The following PRTG variants were observed in gnomAD, a reference collection of about 807,000 sequenced individuals.
PRTG encodes the protein immunoglobulin superfamily, DCC subclass, member 5.
A neutral mutation model predicts 122.5 loss-of-function variants in PRTG; 67 were observed. The ratio of observed to expected loss-of-function variants is 0.55; its 90% CI spans 0.45 to 0.67. The LOEUF is 0.67. PRTG is among the 30% of genes least tolerant of loss of function. The pLI, the probability that PRTG is intolerant of heterozygous loss-of-function variation, is 0.00. For missense variants in PRTG, 1,435 were observed against 1,415.4 expected (o/e 1.01, Z -0.22); for synonymous variants, 554 against 501.1 (o/e 1.11, Z -1.41).
intron 4 of PRTG, among the ~76,000 whole-genome samples, chr15:55,681,102 T>C (rs1477290302): frequency 6.6e-6 from 1 of 152,192 alleles, no homozygotes; most frequent in Non-Finnish European, 1.5e-5. Flanking sequence ...TTGAGCAATA[T>C]ATATCATTGT....
chr15:55,625,097 G>A (rs889888221), intron 17 of PRTG, among the ~76,000 whole-genome samples: 4 of 151,992 alleles, frequency 2.6e-5, no homozygotes, highest in African/African-American at 9.7e-5. Flanking sequence ...GTCTAATGAC[G>A]GGGATTACCT....
At chr15:55,624,734 ACT>A (rs527986813) in intron 17 of PRTG, among the ~76,000 whole-genome samples, 9 of 152,134 alleles carry the variant, frequency 5.9e-5, no homozygotes, top group Non-Finnish European at 8.8e-5. Context: ...ATCTAAAATT[ACT>A]CTCTACAAGT....
intron 2 of PRTG, among the ~76,000 whole-genome samples, chr15:55,703,238 T>A (rs1389559199): frequency 1.3e-5 from 2 of 152,230 alleles, no homozygotes; most frequent in African/African-American, 4.8e-5. Flanking sequence ...TGTACATGCA[T>A]CTATGCCACA....
chr15:55,646,491 T>A (rs1016900643), intron 11 of PRTG, among the ~76,000 whole-genome samples: 6 of 151,356 alleles, frequency 4.0e-5, no homozygotes, highest in Admixed American at 2.0e-4. Context: ...CCCGGCCAAT[T>A]TTTTGTATTT....
chr15:55,644,138 T>C (rs533231000), intron 11 of PRTG, among the ~76,000 whole-genome samples: 1 of 152,188 alleles, frequency 6.6e-6, no homozygotes, highest in African/African-American at 2.4e-5. Context: ...CACGCCCAGC[T>C]GAAAAATACT....
rs762065632 is a variant in PRTG at position 55,679,457 on chromosome 15, G to GA, written c.974-13dup. On this transcript the variant is annotated splice_polypyrimidine_tract_variant and intron_variant, in intron 6 of 19. Transcript: ENST00000389286. The stretch of plus-strand genomic sequence containing the variant: ...AAATGAAGGAGGAGCTATTTTTAAA[G>GA]AAAAAAATGAAATATTTCTGTGATC... 20 of 1,587,900 alleles carry GA rather than the reference G, an allele frequency of 1.3e-5. No homozygotes were observed. Among genetic ancestry groups the GA allele is most frequent in the Middle Eastern group, 1.7e-4 (1 of 5,944 alleles).
intron 2 of PRTG, among the ~76,000 whole-genome samples, chr15:55,695,811 AAT>A (rs1001354711): frequency 3.3e-5 from 5 of 152,178 alleles, no homozygotes; most frequent in African/African-American, 1.2e-4. Context: ...TTCTACCAAA[AAT>A]ACAAAAAATT....
intron 12 of PRTG, 30 bp downstream of exon 12, chr15:55,641,083 G>T (rs775743888): frequency 6.7e-7 from 1 of 1,489,110 alleles, no homozygotes; most frequent in South Asian, 1.1e-5. Flanking sequence ...GTGAGCCATA[G>T]TAAAACAAAC....
At chr15:55,725,997 G>A (rs2031017303) in intron 2 of PRTG, among the ~76,000 whole-genome samples, 1 of 152,106 alleles carries the variant, frequency 6.6e-6, no homozygotes, top group African/African-American at 2.4e-5. Context: ...AGGCTGGAGT[G>A]CAGTGGCGTG....
At chr15:55,741,928 T>C (rs1290166598) in intron 1 of PRTG, among the ~76,000 whole-genome samples, 1 of 152,216 alleles carries the variant, frequency 6.6e-6, no homozygotes, top group African/African-American at 2.4e-5. Context: ...AAGCCTAGCG[T>C]CTGTAACCTG....
At position 55,672,632 on chromosome 15, in the gene PRTG, G is replaced by A. The variant is rs991926060; in HGVS notation, c.1854C>T (p.Ala618=). The part of the protein sequence containing the change: ...HRTPKATSVK[A]PKSPELHLEP... ...CCAAATGCAACTCTGGAGACTTAGG[G>A]GCTAGCAAAATTCATCAGAAAATGT... The change falls in exon 11 of 20, where the codon GCC becomes GCT. Residue 618 remains alanine, a splice_region_variant and synonymous_variant. Transcript: ENST00000389286. 6.8e-6 allele frequency: 11 copies of A among 1,609,466 alleles called. No individual in the cohort carries two copies. The highest frequency in any genetic ancestry group is 9.3e-6 in the Non-Finnish European group (11 of 1,177,986).
At chr15:55,622,384 A>AT (rs35166581) in intron 18 of PRTG, among the ~76,000 whole-genome samples, 145 of 109,278 alleles carry the variant, frequency 1.3e-3, no homozygotes, top group African/African-American at 4.9e-3. Context: ...CACCCAGCTA[A>AT]TTTTTTTTTT....
At chr15:55,696,087 C>T (rs2059630594) in intron 2 of PRTG, among the ~76,000 whole-genome samples, 1 of 151,908 alleles carries the variant, frequency 6.6e-6, no homozygotes, top group Admixed American at 6.6e-5. Flanking sequence ...CTGGGGAACA[C>T]AGGGAGATCC....
intron 2 of PRTG, among the ~76,000 whole-genome samples, chr15:55,718,628 CA>C (rs35793848): frequency 7.5e-4 from 109 of 145,026 alleles, no homozygotes; most frequent in African/African-American, 2.0e-3. Context: ...AAAAAACAAA[CA>C]AAAAAAAAAA....
chr15:55,626,954 G>A lies in PRTG; in HGVS notation c.2927+54C>T, dbSNP rs1208303248. ...ACTTGACTTTCATTTGTTTCCTGTG[G>A]CTACCGTAATTTAAATGTTTTTCAC... On this transcript the variant is annotated intron_variant, in intron 17 of 19. Coordinates refer to ENST00000389286, the MANE Select transcript of PRTG (RefSeq NM_173814.6). The A allele has an allele frequency of 1.5e-5, 23 of 1,514,478 alleles. No individual in the cohort carries two copies. The East Asian group carries it at 5.3e-4, about 35-fold the overall frequency. 93.8% of individuals were successfully genotyped at this position (1,514,478 alleles called of 1,614,324 possible).
chr15:55,651,129 C>A (rs1273255752), intron 11 of PRTG, among the ~76,000 whole-genome samples: 2 of 152,038 alleles, frequency 1.3e-5, no homozygotes, highest in Admixed American at 1.3e-4. Flanking sequence ...TTTGAGAAAT[C>A]AGATAGCAAA....
chr15:55,623,213 CACATATGGCCTG>C (rs2059176298), intron 18 of PRTG, among the ~76,000 whole-genome samples: 1 of 152,030 alleles, frequency 6.6e-6, no homozygotes, highest in Admixed American at 6.6e-5. Context: ...CTTTGCAGGC[CACATATGGCCTG>C]TGTCCTATCA....
In PRTG at chr15:55,614,317, C is replaced by G. The variant is rs2059133126; in HGVS notation, c.*5695G>C. 3 of 152,012 alleles carry G rather than the reference C, an allele frequency of 2.0e-5. No individual in the cohort carries two copies. In the South Asian group the frequency reaches 6.2e-4, roughly 32 times the overall value. 9.4% of individuals were successfully genotyped at this position (152,012 alleles called of 1,614,324 possible). A position where few individuals can be genotyped will look rare whatever the true frequency, so the allele number is the denominator to read the frequency against. On this transcript the variant is annotated 3_prime_UTR_variant, in exon 20 of 20. Transcript: ENST00000389286. ...CATGCTGATGGCATAAGGAGAGGCT[C>G]TTGCTGAGAAGGATGGGGAATGTGA...
chr15:55,612,697 AATAT>A lies in PRTG; in HGVS notation c.*7311_*7314del, dbSNP rs59773365. Reference sequence around the variant, plus strand: ...TTCTCTCTTTAACTCTTTAAAAGCCAATATATATATATATATATATATATATATA... The same window carrying A: ...TTCTCTCTTTAACTCTTTAAAAGCCAATATATATATATATATATATATATA... On this transcript the variant is annotated 3_prime_UTR_variant, in exon 20 of 20. Coordinates refer to ENST00000389286, the MANE Select transcript of PRTG (RefSeq NM_173814.6). The A allele has an allele frequency of 1.9e-3, 224 of 120,096 alleles. 2 individuals carry two copies. The highest frequency in any genetic ancestry group is 3.1e-3 in the African/African-American group (67 of 21,274). The allele number at this position is 120,096 out of a possible 1,614,324, so 7.4% of individuals were successfully genotyped here.
Sources: allele counts gnomAD v4.1 joint callset (sites outside exome capture counted in the v4.1 genomes callset), GRCh38; gene constraint gnomAD v4.1.1; transcripts MANE v1.5; gene names NCBI Gene and HGNC (gene_info 2026-07-23, HGNC 2026-07-21).